The following PRRC2B variants were observed in gnomAD, a reference collection of about 807,000 sequenced individuals.
PRRC2B encodes proline rich coiled-coil 2B.
PRRC2B carries 68 observed loss-of-function variants against 242.3 expected under a neutral mutation model. That is an observed-to-expected ratio of 0.28 (90% CI 0.23 to 0.34). PRRC2B has a LOEUF of 0.34. PRRC2B is among the 10% of genes least tolerant of loss of function. The pLI is 1.00. For missense variants in PRRC2B, 2,835 were observed against 2,954.8 expected (o/e 0.96, Z 0.94); for synonymous variants, 1,228 against 1,173.6 (o/e 1.05, Z -0.95).
At chr9:131,491,359 C>T (rs777966657) in intron 28 of PRRC2B, 66 bp from the exon 29 acceptor site, 2 of 1,465,884 alleles carry the variant, frequency 1.4e-6, no homozygotes, top group African/African-American at 2.8e-5. Flanking sequence ...TGCGGTCGCT[C>T]TTTGGTGCGT....
At chr9:131,462,836 T>TAAAA (rs553444971) in intron 11 of PRRC2B, among the ~76,000 whole-genome samples, 3,564 of 81,898 alleles carry the variant, frequency 0.044, 222 homozygotes, top group Middle Eastern at 0.1. Flanking sequence ...AGACTCCGTC[T>TAAAA]AAAAAAAAAA....
intron 1 of PRRC2B, among the ~76,000 whole-genome samples, chr9:131,420,508 T>TCCTTCCTTCCTTCCTTCCTTCCTTCCTTC (rs1837807733): frequency 7.7e-6 from 1 of 129,504 alleles, no homozygotes; most frequent in Non-Finnish European, 1.6e-5. Flanking sequence ...TTTTTTTTTT[T>TCCTTCCTTCCTTCCTTCCTTCCTTCCTTC]TTGAGATGGA....
Position 131,379,899 on chromosome 9 carries a change from C to T in PRRC2B, c.-56+6168C>T, listed in dbSNP as rs185418563. Among the ~76,000 whole-genome samples, 281 of 151,574 alleles carry T rather than the reference C, an allele frequency of 1.9e-3. 2 individuals are homozygous for T. Among genetic ancestry groups the T allele is most frequent in the African/African-American group, 6.4e-3 (264 of 41,426 alleles). On this transcript the variant is annotated intron_variant, in intron 1 of 1. Coordinates refer to the PRRC2B transcript ENST00000682525. Reference sequence around the variant, plus strand: ...TCAGCCTCCCAAAGTGCTGGGATTACAGGCGTCAGCTACCGCACCCAGCCA... The same window carrying T: ...TCAGCCTCCCAAAGTGCTGGGATTATAGGCGTCAGCTACCGCACCCAGCCA...
chr9:131,402,943 GC>G (rs751801721), intron 1 of PRRC2B, among the ~76,000 whole-genome samples: 1 of 152,220 alleles, frequency 6.6e-6, no homozygotes, highest in Non-Finnish European at 1.5e-5. Flanking sequence ...CCTCCGGGAA[GC>G]CGGCGTCAAC....
intron 14 of PRRC2B, among the ~76,000 whole-genome samples, chr9:131,472,532 A>G (rs1461914843): frequency 7.3e-6 from 1 of 136,930 alleles, no homozygotes; most frequent in Admixed American, 8.2e-5. Flanking sequence ...GCTGGAGTGC[A>G]GTGGTGTGAT....
intron 1 of PRRC2B, among the ~76,000 whole-genome samples, chr9:131,401,968 T>G (rs894893532): frequency 6.6e-6 from 1 of 151,004 alleles, no homozygotes; most frequent in Non-Finnish European, 1.5e-5. Context: ...GTCTAATTTT[T>G]GTATTATTGT....
chr9:131,389,920 TTTTTTTG>T (rs965371679), upstream of PRRC2B, among the ~76,000 whole-genome samples: 1 of 127,540 alleles, frequency 7.8e-6, no homozygotes, highest in Non-Finnish European at 1.7e-5. Context: ...TGGTTGTTTT[TTTTTTTG>T]TTTTTTTTTT....
rs1943889122 is a variant in PRRC2B, at chr9:131,482,177, G to T, written c.4984-194G>T. On this transcript the variant is annotated intron_variant, in intron 20 of 31. Transcript: ENST00000683519. The surrounding 1 kb of genome is among the most constrained non-coding windows in gnomAD (Gnocchi z 5.2). ...CCCATAGAAGATCCTGTGGTCACGA[G>T]CTCTATCGGGGTTGGTGTGTTTGGC... is the stretch of plus-strand genomic sequence containing the variant. 6.6e-6 allele frequency among the ~76,000 whole-genome samples: 1 copy of T among 152,216 alleles called. No individual in the cohort carries two copies. The highest frequency in any genetic ancestry group is 2.1e-4 in the South Asian group (1 of 4,834).
chr9:131,428,387 A>G (rs1443355481), intron 1 of PRRC2B, among the ~76,000 whole-genome samples: 1 of 151,016 alleles, frequency 6.6e-6, no homozygotes, highest in Non-Finnish European at 1.5e-5. Context: ...TGCCCTGCTA[A>G]TTATTTTTAT....
At chr9:131,491,369 T>C (rs1944189226) in intron 28 of PRRC2B, 56 bp from the exon 29 acceptor site, 6 of 1,485,100 alleles carry the variant, frequency 4.0e-6, no homozygotes, top group Non-Finnish European at 4.5e-6. Context: ...CTTTGGTGCG[T>C]TTGGGGTTTC....
intron 1 of PRRC2B, among the ~76,000 whole-genome samples, chr9:131,407,262 C>T (rs2131291858): frequency 6.6e-6 from 1 of 152,124 alleles, no homozygotes. Context: ...GTGGGCATGC[C>T]CTTAGGGTAA....
intron 11 of PRRC2B, among the ~76,000 whole-genome samples, chr9:131,462,837 A>G (rs950835635): frequency 1.2e-3 from 9 of 7,452 alleles, no homozygotes; most frequent in Non-Finnish European, 2.4e-3. Context: ...GACTCCGTCT[A>G]AAAAAAAAAA....
chr9:131,493,825 C>T (rs1330670130), intron 30 of PRRC2B, among the ~76,000 whole-genome samples: 2 of 152,078 alleles, frequency 1.3e-5, no homozygotes, highest in South Asian at 4.1e-4. Context: ...GGTTGAGAGT[C>T]CTGTTGAACT....
upstream of PRRC2B, among the ~76,000 whole-genome samples, chr9:131,392,091 T>C (rs1213846851): frequency 6.6e-6 from 1 of 151,118 alleles, no homozygotes; most frequent in Non-Finnish European, 1.5e-5. Context: ...TTTTTGCTTG[T>C]TTATTTTCTT....
chr9:131,487,190 G>C lies in PRRC2B; in HGVS notation c.5880G>C (p.Pro1960=), dbSNP rs573037978. Residue 1960 remains proline, a synonymous_variant, in exon 27 of 32, where the codon CCG becomes CCC. Transcript: ENST00000683519. This position sits in a 1 kb window ranked among gnomAD's most constrained non-coding sequence, Gnocchi z 5.3. ...YQQAAAAQQI[P]ISLHTSLQAQ... ...AGGCCGCCGCTGCCCAGCAGATCCC[G>C]ATCTCCCTTCACACATCTCTGCAGG... 1.2e-6 allele frequency: 2 copies of C among 1,613,660 alleles called. No individual in the cohort carries two copies. The highest frequency in any genetic ancestry group is 1.7e-6 in the Non-Finnish European group (2 of 1,179,784).
chr9:131,410,293 C>A (rs1297953413), intron 1 of PRRC2B, among the ~76,000 whole-genome samples: 1 of 152,208 alleles, frequency 6.6e-6, no homozygotes, highest in Non-Finnish European at 1.5e-5. Context: ...GAGCCCAGAG[C>A]TGGTGCAGAC....
At chr9:131,420,466 T>TC (rs1564278501) in intron 1 of PRRC2B, among the ~76,000 whole-genome samples, 15 of 9,088 alleles carry the variant, frequency 1.7e-3, no homozygotes, top group African/African-American at 3.2e-3. Context: ...TCTTTCTTTC[T>TC]TTCTTTCTTT....
Position 131,476,341 on chromosome 9 carries a change from C to A in PRRC2B, c.4212C>A (p.Gly1404=), listed in dbSNP as rs762441473. 15 of 1,586,328 alleles carry A rather than the reference C, an allele frequency of 9.5e-6. No individual in the cohort carries two copies. The highest frequency in any genetic ancestry group is 1.1e-5 in the Non-Finnish European group (13 of 1,166,644). ...AGCCCGACTCCCAGGTGGATGGTGG[C>A]CTGTCGGGGGCTAGTTTGGGTGAGA... is the stretch of plus-strand genomic sequence containing the variant. ...GSEPDSQVDG[G]LSGASLGEKK... The change falls in exon 16 of 32, where the codon GGC becomes GGA. Residue 1404 remains glycine, a synonymous_variant. Transcript: ENST00000683519.
intron 1 of PRRC2B, among the ~76,000 whole-genome samples, chr9:131,380,535 C>T (rs1240857473): frequency 6.7e-6 from 1 of 149,090 alleles, no homozygotes; most frequent in African/African-American, 2.5e-5. Flanking sequence ...GCTGAGATTG[C>T]GCCATTGCAC....
Sources: allele counts gnomAD v4.1 joint callset (sites outside exome capture counted in the v4.1 genomes callset), GRCh38; gene constraint gnomAD v4.1.1; non-coding constraint Gnocchi (gnomAD v3.1); transcripts MANE v1.5; gene names NCBI Gene and HGNC (gene_info 2026-07-23, HGNC 2026-07-21).